The following SDK1 variants were observed in gnomAD, a reference collection of about 807,000 sequenced individuals.
SDK1 encodes the protein protein sidekick-1.
In SDK1, 157 loss-of-function variants were observed where a neutral mutation model predicts 245.5. The ratio of observed to expected loss-of-function variants is 0.64; its 90% CI spans 0.56 to 0.73. The LOEUF (loss-of-function observed/expected upper bound fraction) is 0.73, where lower values mean the gene tolerates loss of function less well. SDK1 is among the 30% of genes least tolerant of loss of function. SDK1 has a pLI of 0.00. For synonymous variants in SDK1, 1,647 were observed against 1,278.5 expected (o/e 1.29, Z -6.15); for missense variants, 3,583 against 3,002.3 (o/e 1.19, Z -4.52).
chr7:3,823,850 A>C (rs1779704699), intron 5 of SDK1, among the ~76,000 whole-genome samples: 1 of 152,198 alleles, frequency 6.6e-6, no homozygotes, highest in Non-Finnish European at 1.5e-5. Flanking sequence ...AAGGAGATTG[A>C]GGAAACTGCC....
At chr7:3,865,356 G>A (rs1780795332) in intron 5 of SDK1, among the ~76,000 whole-genome samples, 3 of 152,214 alleles carry the variant, frequency 2.0e-5, no homozygotes, top group Admixed American at 6.5e-5. Flanking sequence ...CCCTTTGGAG[G>A]GATGTGGGAA....
chr7:3,902,516 T>C (rs923834627), intron 5 of SDK1, among the ~76,000 whole-genome samples: 5 of 152,250 alleles, frequency 3.3e-5, no homozygotes, highest in Non-Finnish European at 2.9e-5. Context: ...TATTGAGTTC[T>C]AAACTTTCTT....
intron 35 of SDK1, among the ~76,000 whole-genome samples, chr7:4,188,935 T>C (rs955688744): frequency 4.6e-5 from 7 of 152,226 alleles, no homozygotes; most frequent in African/African-American, 1.7e-4. Context: ...CTTCTAAAGC[T>C]TTCATTTACA....
chr7:4,233,503 T>C (rs1250420631), intron 41 of SDK1, 84 bp downstream of exon 41: 1 of 1,353,212 alleles, frequency 7.4e-7, no homozygotes, highest in East Asian at 2.3e-5. Flanking sequence ...AGGTCTGTCT[T>C]CTCCTGAAGG....
intron 4 of SDK1, among the ~76,000 whole-genome samples, chr7:3,656,472 C>G (rs1783188160): frequency 6.6e-6 from 1 of 152,192 alleles, no homozygotes; most frequent in Non-Finnish European, 1.5e-5. Context: ...GCAAAATTCC[C>G]TCAAAAGCAA....
chr7:3,903,106 C>G (rs919192957), intron 5 of SDK1, among the ~76,000 whole-genome samples: 2 of 151,482 alleles, frequency 1.3e-5, no homozygotes, highest in African/African-American at 2.4e-5. Flanking sequence ...ACTAGGATGA[C>G]AGGTTTTTTA....
chr7:3,676,079 C>T (rs1783884211), intron 4 of SDK1, among the ~76,000 whole-genome samples: 1 of 152,216 alleles, frequency 6.6e-6, no homozygotes, highest in Non-Finnish European at 1.5e-5. Context: ...GATTCTTCCA[C>T]CTCAGCCTCC....
chr7:3,668,253 C>A (rs10275915), intron 4 of SDK1, among the ~76,000 whole-genome samples: 55,749 of 151,624 alleles, frequency 0.37, 11,153 homozygotes, highest in African/African-American at 0.53. Context: ...TTTGCTCCAC[C>A]TGGTGTCAGC....
intron 1 of SDK1, among the ~76,000 whole-genome samples, chr7:3,574,932 G>A (rs1780237260): frequency 6.6e-6 from 1 of 151,948 alleles, no homozygotes; most frequent in African/African-American, 2.4e-5. Flanking sequence ...CTGTTGTGTG[G>A]GAGCCTCTTG....
chr7:3,574,401 C>T (rs905902806), intron 1 of SDK1, among the ~76,000 whole-genome samples: 2 of 152,064 alleles, frequency 1.3e-5, no homozygotes, highest in East Asian at 1.9e-4. Flanking sequence ...CAGGCATGAG[C>T]CACCGTGCCC....
intron 20 of SDK1, among the ~76,000 whole-genome samples, chr7:4,074,874 C>G (rs1174398319): frequency 3.2e-5 from 3 of 93,680 alleles, no homozygotes; most frequent in African/African-American, 1.4e-4. Context: ...CTCTCTCTCT[C>G]TCTCTCTCTC....
At chr7:3,590,832 G>C (rs1780846137) in intron 1 of SDK1, among the ~76,000 whole-genome samples, 1 of 148,996 alleles carries the variant, frequency 6.7e-6, no homozygotes, top group South Asian at 2.1e-4. Context: ...CCCCAGGCTG[G>C]AGTGCAGTGG....
At chr7:3,921,242 A>G (rs1779573672) in intron 5 of SDK1, among the ~76,000 whole-genome samples, 2 of 152,244 alleles carry the variant, frequency 1.3e-5, no homozygotes, top group African/African-American at 4.8e-5. Context: ...TACAGCACAC[A>G]CTGTTTTGTA....
Position 4,241,797 on chromosome 7 carries a change from G to C in SDK1, c.6135G>C (p.Lys2045Asn), listed in dbSNP as rs202066897. ...NKKYKNCSTG[K>N]GISTMEESVT... is the part of the protein sequence containing the mutation. Reference sequence around the variant, plus strand: ...CACTCTCCTGCTGGGCTTTAGGAAAGGGGATCTCCACCATGGAGGAGTCTG... The same window carrying C: ...CACTCTCCTGCTGGGCTTTAGGAAACGGGATCTCCACCATGGAGGAGTCTG... The change falls in exon 43 of 45, where the codon AAG becomes AAC. Residue 2045 changes from lysine (K) to asparagine (N), a missense_variant. By Grantham distance (94) the Lys-to-Asn change is moderately conservative. Coordinates refer to ENST00000404826, the MANE Select transcript of SDK1 (RefSeq NM_152744.4). The C allele has an allele frequency of 3.1e-6, 5 of 1,614,106 alleles. No individual in the cohort carries two copies. The African/African-American group carries it at 5.3e-5, about 17-fold the overall frequency.
intron 5 of SDK1, among the ~76,000 whole-genome samples, chr7:3,904,992 CAA>C (rs869287759): frequency 8.3e-5 from 10 of 120,380 alleles, no homozygotes; most frequent in East Asian, 2.0e-4. Flanking sequence ...GACTCCGTCT[CAA>C]AAAAAAAAAA....
chr7:3,594,287 A>C (rs922994806), intron 1 of SDK1, among the ~76,000 whole-genome samples: 27 of 152,206 alleles, frequency 1.8e-4, no homozygotes, highest in African/African-American at 6.5e-4. Context: ...TCAACACCCA[A>C]ATTCCTTTTT....
At chr7:3,843,701 T>C (rs1780211378) in intron 5 of SDK1, among the ~76,000 whole-genome samples, 1 of 152,192 alleles carries the variant, frequency 6.6e-6, no homozygotes, top group African/African-American at 2.4e-5. Flanking sequence ...GTCTGTTTCA[T>C]AGGAAACTCG....
At chr7:3,968,683 A>C (rs533549241) in intron 10 of SDK1, among the ~76,000 whole-genome samples, 1 of 152,226 alleles carries the variant, frequency 6.6e-6, no homozygotes, top group Admixed American at 6.5e-5. Flanking sequence ...TGTTTAACCA[A>C]ATCTCTAAAT....
chr7:3,814,641 T>A (rs1779464023), intron 4 of SDK1, among the ~76,000 whole-genome samples: 2 of 152,142 alleles, frequency 1.3e-5, no homozygotes, highest in Admixed American at 1.3e-4. Flanking sequence ...TTTTTCCAAT[T>A]CTGTGAAGAA....
Sources: gnomAD v4.1 joint callset for allele counts (sites outside exome capture counted in the v4.1 genomes callset) on GRCh38, gnomAD v4.1.1 for gene constraint, MANE v1.5 for transcripts, NCBI Gene and HGNC (gene_info 2026-07-23, HGNC 2026-07-21) for gene names.